WDR7: variants seen among roughly 807,000 people sequenced by gnomAD.
WDR7 encodes the protein WD repeat domain 7, also known as WD repeat-containing protein 7.
Under a neutral mutation model 169.4 loss-of-function variants are expected in WDR7, and 46 were observed. The ratio of observed to expected loss-of-function variants is 0.27; its 90% CI spans 0.21 to 0.35. The LOEUF (loss-of-function observed/expected upper bound fraction) is 0.35. Ranked by LOEUF, WDR7 falls within the 10% of genes least tolerant of loss-of-function variation. WDR7 has a pLI of 1.00. For missense variants in WDR7, 1,534 were observed against 1,859.3 expected, an observed-to-expected ratio of 0.83 and a Z score of 3.22; for synonymous variants, 612 against 666.8, an observed-to-expected ratio of 0.92 and a Z score of 1.27.
At chr18:56,835,782 A>G (rs950133597) in intron 20 of WDR7, among the ~76,000 whole-genome samples, 6 of 152,222 alleles carry the variant, frequency 3.9e-5, no homozygotes, top group African/African-American at 1.4e-4. Context: ...TAAAACAGGT[A>G]GGTATGAGAT....
chr18:56,689,304 A>G (rs187630645), intron 7 of WDR7, among the ~76,000 whole-genome samples: 76 of 152,348 alleles, frequency 5.0e-4, no homozygotes, highest in Admixed American at 4.0e-3. Flanking sequence ...GCTGTCGCCC[A>G]GGCTGGAGTG....
intron 11 of WDR7, among the ~76,000 whole-genome samples, chr18:56,695,894 C>G (rs1395561512): frequency 6.6e-6 from 1 of 152,144 alleles, no homozygotes; most frequent in African/African-American, 2.4e-5. Context: ...TTGAAATTGA[C>G]TATATTTTAT....
At chr18:56,718,836 C>T (rs1307313888) in intron 13 of WDR7, among the ~76,000 whole-genome samples, 1 of 152,110 alleles carries the variant, frequency 6.6e-6, no homozygotes. Context: ...TCTTTTAATT[C>T]CTAGTTGTAC....
chr18:56,896,156 A>T (rs920113031), intron 21 of WDR7, among the ~76,000 whole-genome samples: 1 of 151,890 alleles, frequency 6.6e-6, no homozygotes, highest in Non-Finnish European at 1.5e-5. Context: ...ATAGAAAAAA[A>T]TTTAAAATCT....
chr18:56,735,208 G>A (rs1215814511), intron 14 of WDR7, among the ~76,000 whole-genome samples: 2 of 152,132 alleles, frequency 1.3e-5, no homozygotes, highest in African/African-American at 4.8e-5. Flanking sequence ...TGTGGAAAAG[G>A]GGATGGTTAG....
intron 1 of WDR7, among the ~76,000 whole-genome samples, chr18:56,654,121 A>G (rs986801840): frequency 1.3e-5 from 2 of 152,186 alleles, no homozygotes; most frequent in African/African-American, 4.8e-5. Flanking sequence ...TTCATTCACT[A>G]CTAATGAATC....
intron 22 of WDR7, among the ~76,000 whole-genome samples, chr18:56,926,219 T>A (rs1438950565): frequency 6.6e-6 from 1 of 152,188 alleles, no homozygotes; most frequent in Non-Finnish European, 1.5e-5. Context: ...GTGCCTATAG[T>A]ACGAGGCAGC....
At chr18:56,682,593 A>G in intron 4 of WDR7, 86 bp from the exon 5 acceptor site, 1 of 1,427,728 alleles carries the variant, frequency 7.0e-7, no homozygotes, top group Non-Finnish European at 9.5e-7. Context: ...AGAATATTGT[A>G]ATAACCTTGA....
chr18:56,933,034 A>G (rs760990009), intron 22 of WDR7, among the ~76,000 whole-genome samples: 9 of 152,166 alleles, frequency 5.9e-5, no homozygotes, highest in African/African-American at 1.2e-4. Flanking sequence ...TTGGTTTCCA[A>G]TGGCAAGGGG....
At chr18:56,857,658 G>T (rs545555300) in intron 20 of WDR7, among the ~76,000 whole-genome samples, 1 of 152,200 alleles carries the variant, frequency 6.6e-6, no homozygotes, top group African/African-American at 2.4e-5. Flanking sequence ...ACATATATGT[G>T]TGTGTGCATG....
intron 25 of WDR7, among the ~76,000 whole-genome samples, chr18:56,943,520 A>G (rs1360234132): frequency 6.6e-6 from 1 of 152,178 alleles, no homozygotes; most frequent in Non-Finnish European, 1.5e-5. Context: ...GGATGCATCT[A>G]GAAAAGTGCT....
At chr18:56,981,474 A>G (rs1221293421) in intron 26 of WDR7, among the ~76,000 whole-genome samples, 1 of 152,180 alleles carries the variant, frequency 6.6e-6, no homozygotes, top group Non-Finnish European at 1.5e-5. Context: ...GAGCTATGGC[A>G]ACAGATAAAT....
At chr18:56,754,616 C>G (rs2043854491) in intron 14 of WDR7, among the ~76,000 whole-genome samples, 1 of 151,982 alleles carries the variant, frequency 6.6e-6, no homozygotes, top group Admixed American at 6.6e-5. Context: ...GGGTATTTTT[C>G]TACATGGTTA....
chr18:56,888,892 G>A (rs920284442), intron 21 of WDR7, among the ~76,000 whole-genome samples: 6 of 152,166 alleles, frequency 3.9e-5, no homozygotes, highest in African/African-American at 1.4e-4. Context: ...TAGGCAGAGG[G>A]GGAAGTTGAA....
intron 19 of WDR7, among the ~76,000 whole-genome samples, chr18:56,806,238 A>G (rs985446011): frequency 2.0e-5 from 3 of 152,176 alleles, no homozygotes; most frequent in Non-Finnish European, 2.9e-5. Context: ...TTTGCCTAGA[A>G]TAACTATCAT....
intron 2 of WDR7, among the ~76,000 whole-genome samples, chr18:56,676,640 C>T (rs1172932287): frequency 2.0e-5 from 3 of 151,320 alleles, no homozygotes; most frequent in African/African-American, 7.3e-5. Flanking sequence ...TGCATAAACA[C>T]AAACAAAAAA....
At chr18:57,033,962 A>G (rs1368037908), downstream of WDR7, 1 of 152,142 alleles carries the variant, frequency 6.6e-6, no homozygotes, top group Non-Finnish European at 1.5e-5. Flanking sequence ...CAGCCTGGAC[A>G]ATGTGGTGAA....
intron 26 of WDR7, among the ~76,000 whole-genome samples, chr18:57,020,149 A>G (rs1057212767): frequency 6.6e-6 from 1 of 152,210 alleles, no homozygotes; most frequent in Non-Finnish European, 1.5e-5. Context: ...CTTGTTTTTA[A>G]TGGTATTTGA....
At chr18:56,740,380 C>T (rs1342547275) in intron 14 of WDR7, among the ~76,000 whole-genome samples, 1 of 152,106 alleles carries the variant, frequency 6.6e-6, no homozygotes, top group African/African-American at 2.4e-5. Flanking sequence ...ACTCTAATAT[C>T]TGTATCACTG....
Sources: allele counts gnomAD v4.1 joint callset (sites outside exome capture counted in the v4.1 genomes callset), GRCh38; gene constraint gnomAD v4.1.1; transcripts MANE v1.5; gene names NCBI Gene and HGNC (gene_info 2026-07-23, HGNC 2026-07-21).